Variants in ZDHHC13 observed in about 807,000 individuals in gnomAD.
ZDHHC13 encodes palmitoyltransferase ZDHHC13.
ZDHHC13 carries 85 observed loss-of-function variants against 86.0 expected under a neutral mutation model. That is an observed-to-expected ratio of 0.99 (90% CI 0.83 to 1.18). The LOEUF (loss-of-function observed/expected upper bound fraction) is 1.18. Ranked by LOEUF, ZDHHC13 falls within the 50% of genes most tolerant of loss-of-function variation. The pLI, the probability that ZDHHC13 is intolerant of heterozygous loss-of-function variation, is 0.00. For missense variants in ZDHHC13, 711 were observed against 730.2 expected (o/e 0.97, Z 0.30); for synonymous variants, 263 against 246.4 (o/e 1.07, Z -0.63).
chr11:19,146,442 G>A (rs971555178), intron 3 of ZDHHC13, 139 bp downstream of exon 3: 13 of 1,044,214 alleles, frequency 1.2e-5, no homozygotes, highest in African/African-American at 8.2e-5. Flanking sequence ...TGCCACACAC[G>A]TTGGTTATTA....
chr11:19,135,931 A>G (rs919187095), intron 1 of ZDHHC13, among the ~76,000 whole-genome samples: 2 of 152,168 alleles, frequency 1.3e-5, no homozygotes, highest in African/African-American at 2.4e-5. Flanking sequence ...GTACATCACC[A>G]TCATCAAAGA....
chr11:19,133,983 CATA>C (rs1466931671), intron 1 of ZDHHC13, among the ~76,000 whole-genome samples: 19 of 118,456 alleles, frequency 1.6e-4, no homozygotes, highest in African/African-American at 5.6e-4. Context: ...TATAATAAAT[CATA>C]ATATTTTCAG....
At chr11:19,175,232 T>C (rs531915223) in intron 16 of ZDHHC13, among the ~76,000 whole-genome samples, 17 of 150,848 alleles carry the variant, frequency 1.1e-4, no homozygotes, top group African/African-American at 1.9e-4. Context: ...ACTAAAAAAA[T>C]ACAAAAAATT....
At chr11:19,142,366 A>G (rs1849344629) in intron 1 of ZDHHC13, among the ~76,000 whole-genome samples, 2 of 152,288 alleles carry the variant, frequency 1.3e-5, no homozygotes, top group African/African-American at 2.4e-5. Flanking sequence ...GCTAAGACAG[A>G]GTCTGATATA....
At chr11:19,125,969 C>T (rs894869956) in intron 1 of ZDHHC13, among the ~76,000 whole-genome samples, 4 of 152,042 alleles carry the variant, frequency 2.6e-5, no homozygotes, top group Non-Finnish European at 5.9e-5. Flanking sequence ...GTGGCGGTTA[C>T]GTGACTCCAT....
intron 1 of ZDHHC13, among the ~76,000 whole-genome samples, chr11:19,140,251 C>T (rs981759817): frequency 5.3e-5 from 8 of 151,940 alleles, no homozygotes; most frequent in Admixed American, 2.0e-4. Flanking sequence ...AAAAAGTGGG[C>T]AAAGGACATG....
intron 14 of ZDHHC13, chr11:19,169,886 AT>A (rs886846264): frequency 4.1e-6 from 4 of 985,608 alleles, no homozygotes; most frequent in Non-Finnish European, 4.8e-6. Flanking sequence ...TCCTCTGCAG[AT>A]TTAGTTATGG....
chr11:19,159,108 G>A, intron 10 of ZDHHC13, 68 bp downstream of exon 10: 1 of 1,167,438 alleles, frequency 8.6e-7, no homozygotes. Context: ...TTATTGTTAG[G>A]AATTTAGGTA....
chr11:19,138,313 A>G (rs1282996462), intron 1 of ZDHHC13, among the ~76,000 whole-genome samples: 1 of 152,104 alleles, frequency 6.6e-6, no homozygotes, highest in East Asian at 1.9e-4. Flanking sequence ...GAAAATCTAG[A>G]AGAAAGGGAT....
chr11:19,118,281 C>A (rs1027114264), intron 1 of ZDHHC13, among the ~76,000 whole-genome samples: 3 of 152,152 alleles, frequency 2.0e-5, no homozygotes, highest in Non-Finnish European at 4.4e-5. Flanking sequence ...TTTCCAGTCC[C>A]GAGAGTGTTC....
Position 19,170,447 on chromosome 11 carries a change from A to G in ZDHHC13, c.1511A>G (p.Asp504Gly). 6.5e-7 allele frequency: 1 copy of G among 1,536,428 alleles called. No homozygotes were observed. The highest frequency in any genetic ancestry group is 2.5e-5 in the East Asian group (1 of 40,400). Residue 504 changes from aspartate to glycine, a missense_variant, in exon 15 of 17, where the codon GAT becomes GGT. Transcript: ENST00000446113. ...SSHCATTFKE[D>G]GLWTYLNQIV... ...CATTGTGCCACAACATTCAAAGAAG[A>G]TGGATTATGGACTTACCTCAATCAG...
rs796670922 is a variant in ZDHHC13 at position 19,131,635 on chromosome 11, A to AT, written c.28-11331dup. 8.1e-3 allele frequency among the ~76,000 whole-genome samples: 1,179 copies of AT among 144,852 alleles called. 10 individuals carry two copies. The highest frequency in any genetic ancestry group is 0.026 in the African/African-American group (1,042 of 39,806). Reference sequence around the variant, plus strand: ...GGTGTAATTTGTATTTTAGAGATTGATTTTTTTTTTTTCTCTTTTGAGACA... The same window carrying AT: ...GGTGTAATTTGTATTTTAGAGATTGATTTTTTTTTTTTTCTCTTTTGAGACA... On this transcript the variant is annotated intron_variant, in intron 1 of 16. Coordinates refer to ENST00000446113, the MANE Select transcript of ZDHHC13 (RefSeq NM_019028.3).
At position 19,146,314 on chromosome 11, in the gene ZDHHC13, A is replaced by G. The variant is rs1181697358; in HGVS notation, c.296+11A>G. The G allele has an allele frequency of 2.5e-6, 4 of 1,602,240 alleles. No individual in the cohort carries two copies. Among genetic ancestry groups the G allele is most frequent in the Non-Finnish European group, 3.4e-6 (4 of 1,176,712 alleles). ...ACTGGATCTTGTAAAGTAAGATGGG[A>G]TATGTGTGTTAATTGTGTATTTATA... On this transcript the variant is annotated intron_variant, in intron 3 of 16. Coordinates refer to ENST00000446113, the MANE Select transcript of ZDHHC13 (RefSeq NM_019028.3).
At chr11:19,131,964 C>G (rs763721242) in intron 1 of ZDHHC13, among the ~76,000 whole-genome samples, 1 of 152,196 alleles carries the variant, frequency 6.6e-6, no homozygotes, top group African/African-American at 2.4e-5. Context: ...GTCATATCTT[C>G]AATTTCTTTG....
intron 1 of ZDHHC13, among the ~76,000 whole-genome samples, chr11:19,123,788 A>G (rs1848807860): frequency 6.6e-6 from 1 of 152,178 alleles, no homozygotes; most frequent in South Asian, 2.1e-4. Context: ...AACAACAACA[A>G]CAACAACAAA....
intron 15 of ZDHHC13, among the ~76,000 whole-genome samples, chr11:19,172,367 T>G (rs536392353): frequency 6.6e-6 from 1 of 152,220 alleles, no homozygotes; most frequent in African/African-American, 2.4e-5. Flanking sequence ...CACCGTGCCC[T>G]GCCGCAGTTA....
Position 19,149,259 on chromosome 11 carries a change from A to G in ZDHHC13, c.447A>G (p.Gly149=). Residue 149 remains glycine (G), a synonymous_variant, in exon 5 of 17, where the codon GGA becomes GGG. Transcript: ENST00000446113. ...ACCCCACTCTTATTGATGGAGAGGG[A>G]TTCAGCAGCATCCACCTGGCAGTAT... ...GADPTLIDGE[G]FSSIHLAVLF... is the part of the protein sequence containing the mutation. The G allele has an allele frequency of 6.2e-7, 1 of 1,606,336 alleles. No individual in the cohort carries two copies. The highest frequency in any genetic ancestry group is 8.5e-7 in the Non-Finnish European group (1 of 1,175,590).
At chr11:19,142,886 A>C in intron 1 of ZDHHC13, 92 bp from the exon 2 acceptor site, 3 of 1,311,020 alleles carry the variant, frequency 2.3e-6, no homozygotes, top group Non-Finnish European at 3.1e-6. Flanking sequence ...ATTTATTAAT[A>C]TAGATATTGT....
chr11:19,141,453 G>A (rs1450491806), intron 1 of ZDHHC13, among the ~76,000 whole-genome samples: 3 of 152,090 alleles, frequency 2.0e-5, no homozygotes, highest in African/African-American at 7.2e-5. Flanking sequence ...GATTTAGTGA[G>A]CATCATTTGT....
Sources: allele counts gnomAD v4.1 joint callset (sites outside exome capture counted in the v4.1 genomes callset), GRCh38; gene constraint gnomAD v4.1.1; transcripts MANE v1.5; gene names NCBI Gene and HGNC (gene_info 2026-07-23, HGNC 2026-07-21).